Variants in MPPE1 observed in about 807,000 individuals in gnomAD.
MPPE1 encodes metallo phosphoesterase.
A neutral mutation model predicts 43.8 loss-of-function variants in MPPE1; 28 were observed. The ratio of observed to expected loss-of-function variants is 0.64; its 90% CI spans 0.47 to 0.88. MPPE1 has a LOEUF of 0.88. MPPE1 is among the 40% of genes least tolerant of loss of function. The probability of loss-of-function intolerance (pLI) is 0.00; values close to 1 mark genes in which losing one functional copy is unlikely to be tolerated. For synonymous variants in MPPE1, 159 were observed against 188.5 expected (o/e 0.84, Z 1.28); for missense variants, 428 against 492.2 (o/e 0.87, Z 1.23).
intron 2 of MPPE1, among the ~76,000 whole-genome samples, chr18:11,903,582 G>A (rs759793836): frequency 6.6e-6 from 1 of 152,102 alleles, no homozygotes; most frequent in Admixed American, 6.6e-5. Context: ...CGAGGCGGGC[G>A]GATCACAAGG....
Position 11,886,972 on chromosome 18 carries a change from G to C in MPPE1, c.623C>G (p.Ser208Cys), listed in dbSNP as rs1462325581. The change falls in exon 7 of 11, where the codon TCT becomes TGT. Residue 208 changes from serine to cysteine, a missense_variant. Coordinates refer to ENST00000588072, the MANE Select transcript of MPPE1 (RefSeq NM_023075.6). The surrounding 1 kb of genome is among the most constrained non-coding windows in gnomAD (Gnocchi z 4.1). ...ALNGDGCGIC[S>C]ETEAELIEVS... ...TTCAATGAGCTCTGCTTCTGTTTCA[G>C]AGCAGATGCCACAGCCATCCCCGTT... 3.1e-6 allele frequency: 5 copies of C among 1,613,826 alleles called. No individual in the cohort carries two copies. The highest frequency in any genetic ancestry group is 4.2e-6 in the Non-Finnish European group (5 of 1,179,902).
In MPPE1 at chr18:11,884,476, A is replaced by G; in HGVS notation, c.1160T>C (p.Leu387Ser). ...GLLASPFLSGLNLLGKRKTR is the reference protein window; with the variant it reads ...GLLASPFLSGSNLLGKRKTR ...TGTCTTACGCTTTCCGAGCAAGTTC[A>G]AACCAGAAAGAAAAGGTGAGGCTAG... Residue 387 changes from leucine to serine, a missense_variant, in exon 11 of 11, where the codon TTG (leucine) becomes TCG (serine). Transcript: ENST00000588072. 1 of 1,614,122 alleles carries G rather than the reference A, an allele frequency of 6.2e-7. No individual in the cohort carries two copies. The highest frequency in any genetic ancestry group is 8.5e-7 in the Non-Finnish European group (1 of 1,180,018).
intron 4 of MPPE1, among the ~76,000 whole-genome samples, chr18:11,891,935 C>G (rs2038036812): frequency 6.6e-6 from 1 of 151,100 alleles, no homozygotes; most frequent in Non-Finnish European, 1.5e-5. Flanking sequence ...CCACTTCAGC[C>G]TCCTGAGTAG....
At chr18:11,885,220 C>A (rs1443754483) in intron 10 of MPPE1, 11 of 352,370 alleles carry the variant, frequency 3.1e-5, no homozygotes, top group Non-Finnish European at 4.8e-5. Context: ...GATGCAGGAG[C>A]CCATGGCTGA....
chr18:11,888,824 C>T lies in MPPE1; in HGVS notation c.495-81G>A, dbSNP rs554384187. 20 of 712,338 alleles carry T rather than the reference C, an allele frequency of 2.8e-5. 1 individual carries two copies. The African/African-American group carries it at 3.4e-4, about 12-fold the overall frequency. 44.1% of individuals were successfully genotyped at this position (712,338 alleles called of 1,614,324 possible). ...TAGAGTCATCATGAACACAAAATAA[C>T]TTTCAACACTTGAGTTTCAGACTAG... On this transcript the variant is annotated intron_variant, in intron 5 of 10. Transcript: ENST00000588072.
intron 2 of MPPE1, chr18:11,905,073 G>A (rs2039579184): frequency 6.6e-6 from 1 of 151,950 alleles, no homozygotes; most frequent in East Asian, 1.9e-4. Context: ...TTGGGAGGTG[G>A]AGGCAGGGAG....
chr18:11,899,221 A>G (rs1336782916), intron 2 of MPPE1, among the ~76,000 whole-genome samples: 1 of 152,094 alleles, frequency 6.6e-6, no homozygotes, highest in Non-Finnish European at 1.5e-5. Context: ...AGCCCAGCCC[A>G]AACTACTTAT....
intron 4 of MPPE1, 71 bp from the exon 5 acceptor site, chr18:11,889,561 C>T (rs1482761614): frequency 1.6e-6 from 2 of 1,258,844 alleles, no homozygotes; most frequent in African/African-American, 3.0e-5. Context: ...AACAGGATCC[C>T]TATTTTGTTT....
chr18:11,894,771 G>C (rs1042485096), intron 3 of MPPE1, among the ~76,000 whole-genome samples: 9 of 151,944 alleles, frequency 5.9e-5, no homozygotes, highest in Admixed American at 6.6e-5. Context: ...TGTATATTTA[G>C]TAGAGACGGG....
At chr18:11,887,385 C>T (rs933599039) in intron 6 of MPPE1, among the ~76,000 whole-genome samples, 6 of 152,164 alleles carry the variant, frequency 3.9e-5, no homozygotes, top group Non-Finnish European at 8.8e-5. Flanking sequence ...ACCCCATCAG[C>T]TGGTTGTGAG....
At chr18:11,895,869 GTC>G (rs1244164743) in intron 3 of MPPE1, among the ~76,000 whole-genome samples, 3 of 151,024 alleles carry the variant, frequency 2.0e-5, no homozygotes, top group African/African-American at 7.3e-5. Context: ...CAGCTTCTCA[GTC>G]TCTCTTGATT....
At chr18:11,903,599 G>A (rs535560321) in intron 2 of MPPE1, among the ~76,000 whole-genome samples, 4 of 152,296 alleles carry the variant, frequency 2.6e-5, no homozygotes, top group Non-Finnish European at 4.4e-5. Context: ...AAGGTTAGGA[G>A]ATCGAGACCA....
chr18:11,890,249 G>A (rs1378513672), intron 4 of MPPE1, among the ~76,000 whole-genome samples: 1 of 151,684 alleles, frequency 6.6e-6, no homozygotes, highest in African/African-American at 2.4e-5. Flanking sequence ...GCCATAATAT[G>A]TCTTTTTTAA....
intron 2 of MPPE1, among the ~76,000 whole-genome samples, chr18:11,904,857 C>A (rs540312758): frequency 1.3e-5 from 2 of 151,978 alleles, no homozygotes; most frequent in African/African-American, 2.4e-5. Flanking sequence ...GCACAAGAAT[C>A]ACTTGAACCC....
At chr18:11,884,732 G>A (rs2036926387) in intron 10 of MPPE1, 105 bp from the exon 11 acceptor site, 1 of 1,370,474 alleles carries the variant, frequency 7.3e-7, no homozygotes, top group East Asian at 2.4e-5. Context: ...TCCCCCTCAG[G>A]TGAGGCAGGG....
rs144663794 is a variant in MPPE1, at chr18:11,887,718, C to T, written c.570-693G>A. On this transcript the variant is annotated intron_variant, in intron 6 of 10. Transcript: ENST00000588072. Reference sequence around the variant, plus strand: ...CGAAAGTACCTGTCAGTAAAGACTGCTTGAAATTTAACTCGTTTTAGAGAT... The same window carrying T: ...CGAAAGTACCTGTCAGTAAAGACTGTTTGAAATTTAACTCGTTTTAGAGAT... Among the ~76,000 whole-genome samples, 448 of 152,308 alleles carry T rather than the reference C, an allele frequency of 2.9e-3. 1 individual carries two copies. Among genetic ancestry groups the T allele is most frequent in the African/African-American group, 0.01 (421 of 41,572 alleles).
intron 10 of MPPE1, 84 bp from the exon 11 acceptor site, chr18:11,884,711 G>T: frequency 7.0e-7 from 1 of 1,435,850 alleles, no homozygotes; most frequent in Non-Finnish European, 9.6e-7. Flanking sequence ...AGGGAAGACT[G>T]CCTTCTCAGG....
intron 10 of MPPE1, 71 bp from the exon 11 acceptor site, chr18:11,884,698 C>G (rs774107475): frequency 7.5e-5 from 113 of 1,503,806 alleles, no homozygotes; most frequent in Non-Finnish European, 9.8e-5. Context: ...TTAGAAACAG[C>G]AGAGGGAAGA....
intron 2 of MPPE1, among the ~76,000 whole-genome samples, chr18:11,897,826 C>T (rs1478535991): frequency 6.6e-6 from 1 of 152,280 alleles, no homozygotes; most frequent in Non-Finnish European, 1.5e-5. Context: ...TGCTTTTCCA[C>T]AAAATAAGTG....
Sources: gnomAD v4.1 joint callset for allele counts (sites outside exome capture counted in the v4.1 genomes callset) on GRCh38, gnomAD v4.1.1 for gene constraint, Gnocchi (gnomAD v3.1) non-coding constraint, MANE v1.5 for transcripts, NCBI Gene and HGNC (gene_info 2026-07-23, HGNC 2026-07-21) for gene names.